SLMAP: variants seen among roughly 807,000 people sequenced by gnomAD.
The protein encoded by SLMAP is sarcolemmal membrane-associated protein.
In SLMAP, 44 loss-of-function variants were observed where a neutral mutation model predicts 128.8. The ratio of observed to expected loss-of-function variants is 0.34; its 90% CI spans 0.27 to 0.44. The LOEUF is 0.44. Ranked by LOEUF, SLMAP falls within the 20% of genes least tolerant of loss-of-function variation. The pLI is 1.00. For synonymous variants in SLMAP, 327 were observed against 348.8 expected (o/e 0.94, Z 0.70); for missense variants, 787 against 985.3 (o/e 0.80, Z 2.69).
At chr3:57,770,155 C>T (rs1256198971) in intron 2 of SLMAP, among the ~76,000 whole-genome samples, 1 of 152,206 alleles carries the variant, frequency 6.6e-6, no homozygotes, top group Non-Finnish European at 1.5e-5. Flanking sequence ...CTGAGTGTCT[C>T]ATTCTTGCAG....
intron 2 of SLMAP, among the ~76,000 whole-genome samples, chr3:57,793,021 C>G (rs2085872999): frequency 6.6e-6 from 1 of 152,106 alleles, no homozygotes; most frequent in Admixed American, 6.6e-5. Context: ...CACCTGTGGT[C>G]CCAGCAACTT....
intron 2 of SLMAP, among the ~76,000 whole-genome samples, chr3:57,786,917 A>T (rs1351022304): frequency 1.3e-5 from 2 of 151,424 alleles, no homozygotes; most frequent in Non-Finnish European, 2.9e-5. Context: ...GTATTTTTTT[A>T]AGTAGAGATG....
intron 2 of SLMAP, among the ~76,000 whole-genome samples, chr3:57,762,048 C>T (rs1223745188): frequency 7.8e-6 from 1 of 128,566 alleles, no homozygotes; most frequent in Non-Finnish European, 1.6e-5. Context: ...AGCGAGACTC[C>T]GTCTCAAAAA....
chr3:57,890,293 G>T, intron 15 of SLMAP, 193 bp downstream of exon 15: 1 of 483,714 alleles, frequency 2.1e-6, no homozygotes. Flanking sequence ...TAACTGGAAT[G>T]TGTCTTTTTA....
chr3:57,762,194 C>A (rs377334302), intron 2 of SLMAP, among the ~76,000 whole-genome samples: 1 of 151,810 alleles, frequency 6.6e-6, no homozygotes, highest in Non-Finnish European at 1.5e-5. Flanking sequence ...CGGTGAAACC[C>A]TGTCTCTACG....
intron 2 of SLMAP, among the ~76,000 whole-genome samples, chr3:57,776,522 CT>C (rs1553775402): frequency 9.2e-4 from 85 of 92,600 alleles, no homozygotes; most frequent in Admixed American, 1.4e-3. Context: ...CTCTCTCTCT[CT>C]TTTTTTTTTT....
chr3:57,845,135 T>C (rs560241158), intron 4 of SLMAP, among the ~76,000 whole-genome samples: 115 of 152,300 alleles, frequency 7.6e-4, no homozygotes, highest in African/African-American at 2.6e-3. Context: ...AAATAAATTA[T>C]TGTTTAAAAT....
chr3:57,800,500 A>T (rs1268181357), intron 2 of SLMAP: 1 of 152,176 alleles, frequency 6.6e-6, no homozygotes, highest in East Asian at 1.9e-4. Flanking sequence ...GCTATTTACC[A>T]TTTTATCTTT....
At chr3:57,867,994 C>T (rs1376269873) in intron 13 of SLMAP, among the ~76,000 whole-genome samples, 1 of 152,108 alleles carries the variant, frequency 6.6e-6, no homozygotes, top group Non-Finnish European at 1.5e-5. Context: ...GGTGTGGTGG[C>T]TCACACCTAT....
chr3:57,852,459 C>G (rs1051916270), intron 6 of SLMAP, among the ~76,000 whole-genome samples: 1 of 152,122 alleles, frequency 6.6e-6, no homozygotes, highest in Admixed American at 6.5e-5. Context: ...AGTTGTTTAA[C>G]CCTTTTGTGC....
chr3:57,778,846 A>G (rs1245198394), intron 2 of SLMAP, among the ~76,000 whole-genome samples: 1 of 152,078 alleles, frequency 6.6e-6, no homozygotes, highest in East Asian at 1.9e-4. Context: ...CTTCTCTTCT[A>G]ATGAATCATG....
At chr3:57,877,966 C>G (rs2095644293) in intron 14 of SLMAP, among the ~76,000 whole-genome samples, 1 of 151,238 alleles carries the variant, frequency 6.6e-6, no homozygotes, top group Admixed American at 6.6e-5. Flanking sequence ...TCCCAAGTAG[C>G]TAGGATTACA....
intron 6 of SLMAP, among the ~76,000 whole-genome samples, chr3:57,854,243 A>G (rs2094660129): frequency 6.6e-6 from 1 of 151,488 alleles, no homozygotes; most frequent in Non-Finnish European, 1.5e-5. Flanking sequence ...ATATAGTCAG[A>G]GAGAATCAGA....
intron 2 of SLMAP, among the ~76,000 whole-genome samples, chr3:57,769,395 G>A (rs1333952981): frequency 2.9e-4 from 44 of 151,950 alleles, no homozygotes; most frequent in Admixed American, 2.4e-3. Context: ...GGGTTTCACC[G>A]TGTTAGCCAG....
At chr3:57,833,708 C>T (rs2093473720) in intron 3 of SLMAP, among the ~76,000 whole-genome samples, 2 of 151,906 alleles carry the variant, frequency 1.3e-5, no homozygotes, top group African/African-American at 2.4e-5. Flanking sequence ...TAAGCCATCA[C>T]GCCTGGCCAG....
At position 57,909,126 on chromosome 3, in the gene SLMAP, A is replaced by T. The variant is rs2096632894; in HGVS notation, c.1675A>T (p.Thr559Ser). 6.2e-7 allele frequency: 1 copy of T among 1,611,022 alleles called. No homozygotes were observed. Residue 559 changes from threonine (T) to serine (S), a missense_variant, in exon 19 of 25, where the codon ACT (threonine) becomes TCT (serine). Coordinates refer to ENST00000671191, the MANE Select transcript of SLMAP (RefSeq NM_001377540.1). ...CTATCGAAATCAAGTTGAGGAATCC[A>T]CTAAACAAATACAGGTTCTTCAAGG... ...KAYRNQVEES[T>S]KQIQVLQAQL...
Position 57,860,849 on chromosome 3 carries a change from T to TAAA in SLMAP, c.828+10_828+11insAAA. On this transcript the variant is annotated intron_variant, in intron 9 of 24. Transcript: ENST00000671191. ...ACTTTCAGAAGTTGAGGTATTTCAA[T>TAAA]CAAAAAAAAAATACTAAATAGTATT... is the stretch of plus-strand genomic sequence containing the variant. The TAAA allele has an allele frequency of 6.8e-7, 1 of 1,471,820 alleles. No individual in the cohort carries two copies. Among genetic ancestry groups the TAAA allele is most frequent in the Non-Finnish European group, 9.2e-7 (1 of 1,089,028 alleles). The allele number at this position is 1,471,820 out of a possible 1,614,324, so 91.2% of individuals were successfully genotyped here.
chr3:57,927,832 G>A lies in SLMAP; in HGVS notation c.*543G>A, dbSNP rs926487595. On this transcript the variant is annotated 3_prime_UTR_variant, in exon 25 of 25. Coordinates refer to ENST00000671191, the MANE Select transcript of SLMAP (RefSeq NM_001377540.1). ...GGCCCTGTGTGCTCAGTGCCTATCAGTTTGAAATATATACACATATATATA... is the reference window on the plus strand; with the variant it reads ...GGCCCTGTGTGCTCAGTGCCTATCAATTTGAAATATATACACATATATATA... 1 of 152,526 alleles carries A rather than the reference G, an allele frequency of 6.6e-6. No individual in the cohort carries two copies. The highest frequency in any genetic ancestry group is 2.4e-5 in the African/African-American group (1 of 41,372). 9.4% of individuals were successfully genotyped at this position (152,526 alleles called of 1,614,324 possible).
rs1376974657 is a variant in SLMAP at position 57,757,148 on chromosome 3, T to A, written c.-504T>A. On this transcript the variant is annotated 5_prime_UTR_variant, in exon 2 of 25. Coordinates refer to ENST00000671191, the MANE Select transcript of SLMAP (RefSeq NM_001377540.1). ...AGGACTGGCGGTGGCTGCCCAGAGG[T>A]GCCCAGCCACACCTTCCTTCGGCCC... 1 of 186,554 alleles carries A rather than the reference T, an allele frequency of 5.4e-6. No homozygotes were observed. Among genetic ancestry groups the A allele is most frequent in the African/African-American group, 2.4e-5 (1 of 41,898 alleles). 11.6% of individuals were successfully genotyped at this position (186,554 alleles called of 1,614,324 possible).
Sources: gnomAD v4.1 joint callset for allele counts (sites outside exome capture counted in the v4.1 genomes callset) on GRCh38, gnomAD v4.1.1 for gene constraint, MANE v1.5 for transcripts, NCBI Gene and HGNC (gene_info 2026-07-23, HGNC 2026-07-21) for gene names.